Variants in KCNQ1OT1 observed in about 807,000 individuals in gnomAD.
KCNQ1OT1 encodes KCNQ1 antisense RNA 2 (non-protein coding).
At chr11:2,650,988 C>G (rs1035145438) in exon 1 of KCNQ1OT1, 1 of 398,662 alleles carries the variant, frequency 2.5e-6, no homozygotes, top group African/African-American at 2.1e-5. Flanking sequence ...TATCAACTCT[C>G]TGGATTTGCC....
exon 1 of KCNQ1OT1, chr11:2,694,495 G>C (rs949779297): frequency 7.5e-6 from 3 of 398,548 alleles, no homozygotes; most frequent in Non-Finnish European, 1.3e-5. Flanking sequence ...AGCATTACCA[G>C]TGTGGCTGGC....
Position 2,658,495 on chromosome 11 carries a change from T to C in KCNQ1OT1, n.41500A>G, listed in dbSNP as rs771483714. ...ATCCTTTTCATTTATTTTTAAGCAT[T>C]TCTTTTCTAGCACTTGACAATACTT... On this transcript the variant is annotated non_coding_transcript_exon_variant, in exon 1 of 1. Coordinates refer to ENST00000597346, the Ensembl canonical transcript of KCNQ1OT1. This position sits in a 1 kb window ranked among gnomAD's most constrained non-coding sequence, Gnocchi z 4.9. 7 of 398,434 alleles carry C rather than the reference T, an allele frequency of 1.8e-5. No individual in the cohort carries two copies. Among genetic ancestry groups the C allele is most frequent in the African/African-American group, 4.1e-5 (2 of 48,600 alleles). 24.7% of individuals were successfully genotyped at this position (398,434 alleles called of 1,614,324 possible).
At chr11:2,699,522 GCCGCGCTGAGGAGGCCCAGGGAGGA>G (rs1392990024) in exon 1 of KCNQ1OT1, 5 of 275,522 alleles carry the variant, frequency 1.8e-5, no homozygotes, top group Non-Finnish European at 3.0e-5. Flanking sequence ...CCAGGAGAGT[GCCGCGCTGAGGAGGCCCAGGGAGGA>G]CCGCGCGGAG....
At chr11:2,699,688 C>T (rs1234468206) in exon 1 of KCNQ1OT1, 15 of 351,892 alleles carry the variant, frequency 4.3e-5, no homozygotes, top group South Asian at 1.3e-4. Context: ...CGAAAAGCCC[C>T]GGGTGCCCCG....
At chr11:2,660,381 A>G (rs1289825641) in exon 1 of KCNQ1OT1, 2 of 398,450 alleles carry the variant, frequency 5.0e-6, no homozygotes, top group Non-Finnish European at 8.8e-6. Context: ...GATGTGGGAA[A>G]ACCTTCCTTT....
Position 2,668,401 on chromosome 11 carries a change from A to T in KCNQ1OT1, n.31594T>A, listed in dbSNP as rs1850122616. On this transcript the variant is annotated non_coding_transcript_exon_variant, in exon 1 of 1. Coordinates refer to ENST00000597346, the Ensembl canonical transcript of KCNQ1OT1. The surrounding 1 kb of genome is among the most constrained non-coding windows in gnomAD (Gnocchi z 4.3). ...TACCCAGCAGTCTACCAAAGGAGTC[A>T]TTCCAATTTTCATTCCCACAGGCAG... 2.5e-6 allele frequency: 1 copy of T among 398,516 alleles called. No individual in the cohort carries two copies. Among genetic ancestry groups the T allele is most frequent in the African/African-American group, 2.1e-5 (1 of 48,618 alleles). 24.7% of individuals were successfully genotyped at this position (398,516 alleles called of 1,614,324 possible). A position where few individuals can be genotyped will look rare whatever the true frequency, so the allele number is the denominator to read the frequency against.
At position 2,652,396 on chromosome 11, in the gene KCNQ1OT1, T is replaced by G; in HGVS notation, n.47599A>C. On this transcript the variant is annotated non_coding_transcript_exon_variant, in exon 1 of 1. Transcript: ENST00000597346. The surrounding 1 kb of genome is among the most constrained non-coding windows in gnomAD (Gnocchi z 5.9). ...TCGCTCTTAATTAGATTAAAAACAT[T>G]TTTTTCTTCCTGTGTAATTTTGTCT... The G allele has an allele frequency of 2.5e-6, 1 of 398,610 alleles. No homozygotes were observed. The highest frequency in any genetic ancestry group is 4.4e-6 in the Non-Finnish European group (1 of 226,060). 24.7% of individuals were successfully genotyped at this position (398,610 alleles called of 1,614,324 possible). A position where few individuals can be genotyped will look rare whatever the true frequency, so the allele number is the denominator to read the frequency against.
In KCNQ1OT1 at chr11:2,624,509, AT is replaced by A; in HGVS notation, n.75485del. On this transcript the variant is annotated non_coding_transcript_exon_variant, in exon 1 of 1. Transcript: ENST00000597346. This position sits in a 1 kb window ranked among gnomAD's most constrained non-coding sequence, Gnocchi z 4.9. ...CATCACCAAACTAAAGATCATCTAG[AT>A]TTCTTCCTATGTTATCTTCTGGGAT... 2.5e-6 allele frequency: 1 copy of A among 398,408 alleles called. No homozygotes were observed. The highest frequency in any genetic ancestry group is 3.6e-5 in the East Asian group (1 of 28,030). 24.7% of individuals were successfully genotyped at this position (398,408 alleles called of 1,614,324 possible).
chr11:2,634,907 T>C (rs1849432495), exon 1 of KCNQ1OT1: 1 of 152,224 alleles, frequency 6.6e-6, no homozygotes, highest in African/African-American at 2.4e-5. Context: ...TTGTGGTTTT[T>C]TGATTTGCCT....
chr11:2,661,330 A>G lies in KCNQ1OT1; in HGVS notation n.38665T>C, dbSNP rs1239967683. ...AGAGTGGGGAGTGATAAGGATCAGT[A>G]TCCTGAGCTCCTGTGTCAAAGTTGC... On this transcript the variant is annotated non_coding_transcript_exon_variant, in exon 1 of 1. Transcript: ENST00000597346. The surrounding 1 kb of genome is among the most constrained non-coding windows in gnomAD (Gnocchi z 5.9). 2 of 404,450 alleles carry G rather than the reference A, an allele frequency of 4.9e-6. No homozygotes were observed. Among genetic ancestry groups the G allele is most frequent in the East Asian group, 3.5e-5 (1 of 28,282 alleles). The allele number at this position is 404,450 out of a possible 1,614,324, so 25.1% of individuals were successfully genotyped here.
exon 1 of KCNQ1OT1, chr11:2,684,489 T>G (rs1278246478): frequency 5.0e-6 from 2 of 398,534 alleles, no homozygotes; most frequent in Non-Finnish European, 4.4e-6. Context: ...CTGGCTGAGT[T>G]CTCCTTCTAT....
exon 1 of KCNQ1OT1, chr11:2,680,470 G>A: frequency 2.5e-6 from 1 of 398,256 alleles, no homozygotes; most frequent in Non-Finnish European, 4.4e-6. Context: ...GAGGACTACT[G>A]ATTTTTTTTT....
At position 2,695,485 on chromosome 11, in the gene KCNQ1OT1, A is replaced by C; in HGVS notation, n.4510T>G. On this transcript the variant is annotated non_coding_transcript_exon_variant, in exon 1 of 1. Coordinates refer to ENST00000597346, the Ensembl canonical transcript of KCNQ1OT1. The surrounding 1 kb of genome is among the most constrained non-coding windows in gnomAD (Gnocchi z 5.2). Reference sequence around the variant, plus strand: ...GTTTCCACGCGTCTCTATCTTGTGAAGTGTACATCTAGTCCCCTGCTCCTA... The same window carrying C: ...GTTTCCACGCGTCTCTATCTTGTGACGTGTACATCTAGTCCCCTGCTCCTA... 1 of 398,596 alleles carries C rather than the reference A, an allele frequency of 2.5e-6. No homozygotes were observed. The highest frequency in any genetic ancestry group is 1.3e-4 in the South Asian group (1 of 7,854). The allele number at this position is 398,596 out of a possible 1,614,324, so 24.7% of individuals were successfully genotyped here. A position where few individuals can be genotyped will look rare whatever the true frequency, so the allele number is the denominator to read the frequency against.
chr11:2,630,060 T>C (rs939534723), exon 1 of KCNQ1OT1: 1 of 398,156 alleles, frequency 2.5e-6, no homozygotes, highest in African/African-American at 2.1e-5. Flanking sequence ...GGGCTATTCA[T>C]ATATGGCCTT....
rs1849763477 is a variant in KCNQ1OT1, at chr11:2,651,951, A to G, written n.48044T>C. ...TACTCACAGCCCTCCTGCAGCCAGC[A>G]GCAGTGGGGGAGCCAAGCTGAGTTG... On this transcript the variant is annotated non_coding_transcript_exon_variant, in exon 1 of 1. Transcript: ENST00000597346. The surrounding 1 kb of genome is among the most constrained non-coding windows in gnomAD (Gnocchi z 6.1). 1 of 398,614 alleles carries G rather than the reference A, an allele frequency of 2.5e-6. No individual in the cohort carries two copies. Among genetic ancestry groups the G allele is most frequent in the Non-Finnish European group, 4.4e-6 (1 of 226,158 alleles). 24.7% of individuals were successfully genotyped at this position (398,614 alleles called of 1,614,324 possible). A position where few individuals can be genotyped will look rare whatever the true frequency, so the allele number is the denominator to read the frequency against.
At chr11:2,693,556 C>T (rs1403088728) in exon 1 of KCNQ1OT1, 11 of 398,668 alleles carry the variant, frequency 2.8e-5, no homozygotes, top group Non-Finnish European at 4.4e-5. Context: ...GAGCCCAAGG[C>T]TTTTCGGAGG....
chr11:2,661,814 C>A lies in KCNQ1OT1; in HGVS notation n.38181G>T. 3.1e-6 allele frequency: 3 copies of A among 973,208 alleles called. No homozygotes were observed. The highest frequency in any genetic ancestry group is 3.2e-6 in the Non-Finnish European group (2 of 627,974). 60.3% of individuals were successfully genotyped at this position (973,208 alleles called of 1,614,324 possible). On this transcript the variant is annotated non_coding_transcript_exon_variant, in exon 1 of 1. Coordinates refer to ENST00000597346, the Ensembl canonical transcript of KCNQ1OT1. This position sits in a 1 kb window ranked among gnomAD's most constrained non-coding sequence, Gnocchi z 5.9. ...TCTTAAACACCCACCCACCCCAACA[C>A]CCAACTATAAAACTGATTGTCAGGG...
In KCNQ1OT1 at chr11:2,624,349, G is replaced by C. The variant is rs1849227640; in HGVS notation, n.75646C>G. 1 of 398,280 alleles carries C rather than the reference G, an allele frequency of 2.5e-6. No homozygotes were observed. Among genetic ancestry groups the C allele is most frequent in the Non-Finnish European group, 4.4e-6 (1 of 226,016 alleles). 24.7% of individuals were successfully genotyped at this position (398,280 alleles called of 1,614,324 possible). A position where few individuals can be genotyped will look rare whatever the true frequency, so the allele number is the denominator to read the frequency against. On this transcript the variant is annotated non_coding_transcript_exon_variant, in exon 1 of 1. Transcript: ENST00000597346. The surrounding 1 kb of genome is among the most constrained non-coding windows in gnomAD (Gnocchi z 4.9). ...ATCAGGTATATCTTTTACAAGTATT[G>C]TCTCCCTTCTGTGGCCTGTCCTTTC...
rs182676557 is a variant in KCNQ1OT1 at position 2,625,816 on chromosome 11, G to A, written n.74179C>T. ...AATCTCCTGACTTCATGATCCTCCC[G>A]CCTCAGCCTCCCAAAGTACTGGGAT... On this transcript the variant is annotated non_coding_transcript_exon_variant, in exon 1 of 1. Coordinates refer to ENST00000597346, the Ensembl canonical transcript of KCNQ1OT1. 6.9e-3 allele frequency: 2,741 copies of A among 398,208 alleles called. 14 individuals carry two copies. Among genetic ancestry groups the A allele is most frequent in the Middle Eastern group, 0.014 (23 of 1,588 alleles). The allele number at this position is 398,208 out of a possible 1,614,324, so 24.7% of individuals were successfully genotyped here. A position where few individuals can be genotyped will look rare whatever the true frequency, so the allele number is the denominator to read the frequency against.
Sources: gnomAD v4.1 joint callset for allele counts on GRCh38, gnomAD v4.1.1 for gene constraint, Gnocchi (gnomAD v3.1) non-coding constraint, MANE v1.5 for transcripts, NCBI Gene and HGNC (gene_info 2026-07-23, HGNC 2026-07-21) for gene names.